UTRN: variants seen among roughly 807,000 people sequenced by gnomAD.
The protein encoded by UTRN is dystrophin-related protein 1.
UTRN carries 283 observed loss-of-function variants against 463.9 expected under a neutral mutation model. That is an observed-to-expected ratio of 0.61 (90% CI 0.55 to 0.67). The LOEUF is 0.67. UTRN is among the 30% of genes least tolerant of loss of function. The probability of loss-of-function intolerance (pLI) is 0.00; values close to 1 mark genes in which losing one functional copy is unlikely to be tolerated. For missense variants in UTRN, 3,922 were observed against 4,084.3 expected (o/e 0.96, Z 1.08); for synonymous variants, 1,442 against 1,431.5 (o/e 1.01, Z -0.17).
At chr6:144,653,847 C>T (rs1240523944) in intron 51 of UTRN, among the ~76,000 whole-genome samples, 1 of 152,144 alleles carries the variant, frequency 6.6e-6, no homozygotes, top group Non-Finnish European at 1.5e-5. Flanking sequence ...ATCCCTTACC[C>T]TCAAATTTGG....
chr6:144,604,873 C>A (rs1804669619), intron 51 of UTRN, among the ~76,000 whole-genome samples: 1 of 152,078 alleles, frequency 6.6e-6, no homozygotes, highest in African/African-American at 2.4e-5. Flanking sequence ...CGAGATTGCA[C>A]CGTTGCACTC....
intron 9 of UTRN, among the ~76,000 whole-genome samples, chr6:144,430,533 C>T (rs1785708082): frequency 6.6e-6 from 1 of 152,138 alleles, no homozygotes; most frequent in African/African-American, 2.4e-5. Flanking sequence ...GAAAGCTTCT[C>T]TGGATGGACC....
chr6:144,521,761 T>G (rs9484885), intron 39 of UTRN, among the ~76,000 whole-genome samples: 6,093 of 152,114 alleles, frequency 0.04, 330 homozygotes, highest in African/African-American at 0.12. Context: ...AACATACTTA[T>G]ACTGTTTAAT....
intron 63 of UTRN, 141 bp from the exon 64 acceptor site, chr6:144,797,683 G>A: frequency 1.3e-5 from 11 of 822,228 alleles, no homozygotes; most frequent in Non-Finnish European, 1.8e-5. Flanking sequence ...GAACCTTAAA[G>A]CATTGTGACT....
chr6:144,674,848 C>T (rs1437004821), intron 51 of UTRN, among the ~76,000 whole-genome samples: 1 of 152,188 alleles, frequency 6.6e-6, no homozygotes, highest in Admixed American at 6.5e-5. Flanking sequence ...CATGAGCCAC[C>T]ACACCTGGCC....
At chr6:144,608,286 G>A (rs998376898) in intron 51 of UTRN, among the ~76,000 whole-genome samples, 3 of 152,022 alleles carry the variant, frequency 2.0e-5, no homozygotes, top group African/African-American at 7.3e-5. Context: ...CTCTTCCCTG[G>A]GTCTCCAGTC....
intron 56 of UTRN, among the ~76,000 whole-genome samples, chr6:144,752,807 C>T (rs1791551039): frequency 6.6e-6 from 1 of 152,032 alleles, no homozygotes; most frequent in Non-Finnish European, 1.5e-5. Flanking sequence ...TCTTGATTTA[C>T]TTCCCATTCT....
chr6:144,520,950 G>T (rs1404055374), intron 39 of UTRN, among the ~76,000 whole-genome samples: 1 of 152,094 alleles, frequency 6.6e-6, no homozygotes. Context: ...ACTCCTGAAG[G>T]ACTGGCGGTC....
At chr6:144,436,211 C>T in intron 10 of UTRN, 73 bp downstream of exon 10, 4 of 1,415,250 alleles carry the variant, frequency 2.8e-6, no homozygotes, top group African/African-American at 1.4e-5. Flanking sequence ...CTCTACTCTC[C>T]TATTTGTTAT....
At position 144,479,920 on chromosome 6, in the gene UTRN, T is replaced by G. The variant is rs139555664; in HGVS notation, c.3445T>G (p.Leu1149Val). 6 of 1,613,864 alleles carry G rather than the reference T, an allele frequency of 3.7e-6. No homozygotes were observed. Among genetic ancestry groups the G allele is most frequent in the Non-Finnish European group, 5.1e-6 (6 of 1,179,992 alleles). Residue 1149 changes from leucine to valine, a missense_variant, in exon 26 of 75, where the codon TTG (leucine) becomes GTG (valine). Transcript: ENST00000367545. ...EWMTQAEEEY[L>V]ERDFEYKSPE... ...GATGACCCAGGCCGAGGAAGAATAT[T>G]TGGAGCGGGATTTTGAGTACAAGTC...
chr6:144,823,939 A>G (rs906890356), intron 66 of UTRN, among the ~76,000 whole-genome samples: 4 of 152,204 alleles, frequency 2.6e-5, no homozygotes, highest in South Asian at 2.1e-4. Context: ...CAAATACACT[A>G]TAAGTTTAAC....
At chr6:144,292,927 T>G (rs1166059957) in intron 2 of UTRN, among the ~76,000 whole-genome samples, 1 of 152,212 alleles carries the variant, frequency 6.6e-6, no homozygotes, top group East Asian at 1.9e-4. Context: ...AATACACATT[T>G]TCCTCCATGA....
rs1801124191 is a variant in UTRN at position 144,573,263 on chromosome 6, CAT to C, written c.7290-3834_7290-3833del. The stretch of plus-strand genomic sequence containing the variant: ...TAACCGTAGGAGCTAATTTTAAAGA[CAT>C]AGCATGGCCGGGCACAGTGGCTCAG... On this transcript the variant is annotated intron_variant, in intron 50 of 74. Transcript: ENST00000367545. Among the ~76,000 whole-genome samples the C allele has an allele frequency of 4.6e-5, 7 of 152,078 alleles. No individual in the cohort carries two copies. In the South Asian group the frequency reaches 1.5e-3, roughly 32 times the overall value.
At chr6:144,831,167 C>A (rs952024771) in intron 69 of UTRN, among the ~76,000 whole-genome samples, 1 of 148,114 alleles carries the variant, frequency 6.8e-6, no homozygotes, top group African/African-American at 2.4e-5. Flanking sequence ...AGAATGATGG[C>A]CCCCCAAAGA....
chr6:144,458,170 T>C (rs1789061654), intron 19 of UTRN, among the ~76,000 whole-genome samples: 1 of 152,208 alleles, frequency 6.6e-6, no homozygotes, highest in Admixed American at 6.5e-5. Context: ...TGCCTCAGTC[T>C]TTTGGTATTT....
chr6:144,335,428 C>T (rs1373628157), intron 2 of UTRN, among the ~76,000 whole-genome samples: 1 of 152,244 alleles, frequency 6.6e-6, no homozygotes, highest in Non-Finnish European at 1.5e-5. Context: ...TGTCTTGCCT[C>T]TGCAGCACTC....
intron 65 of UTRN, among the ~76,000 whole-genome samples, chr6:144,818,797 G>A (rs1487086999): frequency 5.3e-5 from 8 of 151,718 alleles, no homozygotes; most frequent in Non-Finnish European, 2.9e-5. Context: ...TGTGAAAATC[G>A]TTTATAGTAG....
At position 144,744,318 on chromosome 6, in the gene UTRN, ATATGTGTGTGTGTGTG is replaced by A. The variant is rs1363681704; in HGVS notation, c.7940-3926_7940-3911del. On this transcript the variant is annotated intron_variant, in intron 54 of 74. Coordinates refer to ENST00000367545, the MANE Select transcript of UTRN (RefSeq NM_007124.3). ...AAATGGTGTATACATATATATATAT[ATATGTGTGTGTGTGTG>A]TGTGTGTGTGTGTGTGTGTATAAAA... 4.4e-5 allele frequency among the ~76,000 whole-genome samples: 6 copies of A among 135,592 alleles called. No homozygotes were observed. The East Asian group carries it at 6.5e-4, about 15-fold the overall frequency. The allele number at this position is 135,592 out of a possible 152,430, so 89.0% of individuals were successfully genotyped here. A position where few individuals can be genotyped will look rare whatever the true frequency, so the allele number is the denominator to read the frequency against.
intron 51 of UTRN, among the ~76,000 whole-genome samples, chr6:144,602,383 C>T (rs990158434): frequency 1.3e-5 from 2 of 152,006 alleles, no homozygotes; most frequent in Admixed American, 6.6e-5. Context: ...ATGTGATCCA[C>T]CCGCCTTGGC....
Sources: allele counts gnomAD v4.1 joint callset (sites outside exome capture counted in the v4.1 genomes callset), GRCh38; gene constraint gnomAD v4.1.1; transcripts MANE v1.5; gene names NCBI Gene and HGNC (gene_info 2026-07-23, HGNC 2026-07-21).